The following GRID1 variants were observed in gnomAD, a reference collection of about 807,000 sequenced individuals.
GRID1 encodes the protein glutamate ionotropic receptor delta type subunit 1, also known as glutamate receptor ionotropic, delta-1.
In GRID1, 28 loss-of-function variants were observed where a neutral mutation model predicts 98.0. The observed-to-expected ratio is 0.29, with a 90% CI of 0.21 to 0.39. The LOEUF (loss-of-function observed/expected upper bound fraction) is 0.39. Ranked by LOEUF, GRID1 falls within the 10% of genes least tolerant of loss-of-function variation. GRID1 has a pLI of 1.00. For missense variants in GRID1, 1,111 were observed against 1,340.5 expected, an observed-to-expected ratio of 0.83 and a Z score of 2.67; for synonymous variants, 553 against 538.5, an observed-to-expected ratio of 1.03 and a Z score of -0.37.
chr10:85,613,055 C>A, intron 15 of GRID1: 2 of 248,534 alleles, frequency 8.0e-6, no homozygotes, highest in Admixed American at 5.2e-5. Context: ...TCCTCTCTTA[C>A]CCTACAGGTG....
intron 8 of GRID1, among the ~76,000 whole-genome samples, chr10:85,817,331 C>T (rs1440299405): frequency 1.3e-5 from 2 of 149,854 alleles, no homozygotes; most frequent in East Asian, 4.1e-4. Flanking sequence ...AGTTCCAGAC[C>T]AGCCTGGGAA....
intron 2 of GRID1, among the ~76,000 whole-genome samples, chr10:86,298,526 C>T: frequency 6.6e-6 from 1 of 152,188 alleles, no homozygotes; most frequent in Non-Finnish European, 1.5e-5. Flanking sequence ...TATGGGCAGC[C>T]CTGGCCGTTC....
At chr10:86,056,204 C>T (rs1468529617) in intron 4 of GRID1, among the ~76,000 whole-genome samples, 1 of 152,202 alleles carries the variant, frequency 6.6e-6, no homozygotes, top group Non-Finnish European at 1.5e-5. Context: ...GTTCTAGGCA[C>T]ATGGAATTCC....
chr10:86,233,183 G>C (rs771374009), intron 2 of GRID1, among the ~76,000 whole-genome samples: 10 of 152,196 alleles, frequency 6.6e-5, no homozygotes, highest in Non-Finnish European at 1.3e-4. Context: ...CAGCCACCGA[G>C]AGAGGGAAAG....
intron 5 of GRID1, among the ~76,000 whole-genome samples, chr10:85,878,727 ACCAG>A (rs1461449582): frequency 2.0e-5 from 3 of 152,002 alleles, no homozygotes; most frequent in Non-Finnish European, 4.4e-5. Context: ...GAGCAAAATA[ACCAG>A]CTAACATCAT....
rs1220249442 is a variant in GRID1 at position 85,599,788 on chromosome 10, T to TAAAAAAAAAAAAAAAAAAAAAA, written c.*2484_*2485insTTTTTTTTTTTTTTTTTTTTTT. ...CCCTCATGCCAAGGGTAGAAAATTCTAAAAAAAAAAAAAAATATATATATA... is the reference window on the plus strand; with the variant it reads ...CCCTCATGCCAAGGGTAGAAAATTCTAAAAAAAAAAAAAAAAAAAAAAAAAAAAAAAAAAAAATATATATATA... On this transcript the variant is annotated 3_prime_UTR_variant, in exon 16 of 16. Coordinates refer to ENST00000327946, the MANE Select transcript of GRID1 (RefSeq NM_017551.3). 4 of 76,114 alleles carry TAAAAAAAAAAAAAAAAAAAAAA rather than the reference T, an allele frequency of 5.3e-5. 1 individual carries two copies. Among genetic ancestry groups the TAAAAAAAAAAAAAAAAAAAAAA allele is most frequent in the African/African-American group, 8.5e-5 (1 of 11,738 alleles). 4.7% of individuals were successfully genotyped at this position (76,114 alleles called of 1,614,324 possible).
chr10:85,704,244 C>A (rs554067788), intron 12 of GRID1, among the ~76,000 whole-genome samples: 31 of 152,208 alleles, frequency 2.0e-4, no homozygotes, highest in African/African-American at 1.4e-4. Context: ...CAAAGACACA[C>A]ACAGGCTCAA....
chr10:85,669,744 G>T (rs1450083493), intron 12 of GRID1, among the ~76,000 whole-genome samples: 1 of 152,120 alleles, frequency 6.6e-6, no homozygotes, highest in Non-Finnish European at 1.5e-5. Context: ...TCTGTGTCCT[G>T]CTCCAACTGG....
At chr10:85,896,021 G>GA (rs35645985) in intron 5 of GRID1, among the ~76,000 whole-genome samples, 49,869 of 151,790 alleles carry the variant, frequency 0.33, 9,476 homozygotes, top group African/African-American at 0.53. Context: ...TGGGGCCATT[G>GA]AAAGTTCAAC....
In GRID1 at chr10:85,804,924, A is replaced by G. The variant is rs142334995; in HGVS notation, c.1233+49572T>C. Among the ~76,000 whole-genome samples the G allele has an allele frequency of 3.0e-3, 450 of 151,824 alleles. 3 individuals are homozygous for G. The highest frequency in any genetic ancestry group is 0.01 in the African/African-American group (421 of 41,520). ...TCAGCTCTTACCACATCTTTCCAACATTATAGTAAAGGTACAAAAGAAAAA... is the reference window on the plus strand; with the variant it reads ...TCAGCTCTTACCACATCTTTCCAACGTTATAGTAAAGGTACAAAAGAAAAA... On this transcript the variant is annotated intron_variant, in intron 8 of 15. Transcript: ENST00000327946.
chr10:86,218,709 C>T (rs1436061566), intron 2 of GRID1, among the ~76,000 whole-genome samples: 1 of 152,202 alleles, frequency 6.6e-6, no homozygotes, highest in African/African-American at 2.4e-5. Context: ...TCTCCAGGGA[C>T]CTTCTTGTTT....
rs548794846 is a variant in GRID1 at position 86,175,989 on chromosome 10, G to A, written c.520+30375C>T. Among the ~76,000 whole-genome samples, 12 of 152,324 alleles carry A rather than the reference G, an allele frequency of 7.9e-5. No individual in the cohort carries two copies. The South Asian group carries it at 2.1e-3, about 26-fold the overall frequency. ...CTCCCAAAGTGCTGGGATTACAGGC[G>A]TGAGCCACCACACCCGGCCTAATTT... On this transcript the variant is annotated intron_variant, in intron 3 of 15. Transcript: ENST00000327946.
intron 5 of GRID1, among the ~76,000 whole-genome samples, chr10:85,902,106 G>T (rs185978863): frequency 6.6e-6 from 1 of 152,206 alleles, no homozygotes; most frequent in Non-Finnish European, 1.5e-5. Context: ...TAACATAAAG[G>T]GTACAAATCT....
intron 5 of GRID1, among the ~76,000 whole-genome samples, chr10:85,873,134 A>G (rs1163670112): frequency 1.3e-5 from 2 of 152,152 alleles, no homozygotes; most frequent in East Asian, 3.9e-4. Context: ...CTCCCTGCTC[A>G]CTGATGTCAG....
At chr10:86,006,001 C>T (rs10887545) in intron 4 of GRID1, among the ~76,000 whole-genome samples, 51,220 of 152,014 alleles carry the variant, frequency 0.34, 9,360 homozygotes, top group South Asian at 0.51. Context: ...TAAGCTAATT[C>T]TAAAATTTAC....
intron 2 of GRID1, among the ~76,000 whole-genome samples, chr10:86,248,563 CT>C (rs200060771): frequency 7.9e-3 from 961 of 121,038 alleles, no homozygotes; most frequent in Admixed American, 0.014. Flanking sequence ...CATGACAATT[CT>C]TTTTTTTTTT....
chr10:86,163,351 G>T (rs547168812), intron 3 of GRID1, among the ~76,000 whole-genome samples: 2 of 152,000 alleles, frequency 1.3e-5, no homozygotes, highest in South Asian at 4.1e-4. Context: ...GCTAGGGGCT[G>T]TGGGGTGTAG....
At chr10:85,843,121 C>T (rs1309979486) in intron 8 of GRID1, among the ~76,000 whole-genome samples, 1 of 151,728 alleles carries the variant, frequency 6.6e-6, no homozygotes, top group Non-Finnish European at 1.5e-5. Context: ...ACTAGAGAAC[C>T]CAGAAATAGA....
At chr10:85,763,428 C>T (rs1842168137) in intron 8 of GRID1, among the ~76,000 whole-genome samples, 1 of 152,194 alleles carries the variant, frequency 6.6e-6, no homozygotes, top group Non-Finnish European at 1.5e-5. Flanking sequence ...TCTGACACTC[C>T]ATTTTCTCAT....
Sources: gnomAD v4.1 joint callset for allele counts (sites outside exome capture counted in the v4.1 genomes callset) on GRCh38, gnomAD v4.1.1 for gene constraint, MANE v1.5 for transcripts, NCBI Gene and HGNC (gene_info 2026-07-23, HGNC 2026-07-21) for gene names.